NAALADL2: variants seen among roughly 807,000 people sequenced by gnomAD.
NAALADL2 encodes the protein N-acetylated alpha-linked acidic dipeptidase like 2, also known as inactive N-acetylated-alpha-linked acidic dipeptidase-like protein 2.
A neutral mutation model predicts 87.2 loss-of-function variants in NAALADL2; 76 were observed. That is an observed-to-expected ratio of 0.87 (90% CI 0.72 to 1.05). The LOEUF (loss-of-function observed/expected upper bound fraction) is 1.05. Ranked by LOEUF, NAALADL2 falls within the 50% of genes least tolerant of loss-of-function variation. NAALADL2 has a pLI of 0.00. For missense variants in NAALADL2, 1,089 were observed against 945.8 expected (o/e 1.15, Z -1.99); for synonymous variants, 354 against 331.0 (o/e 1.07, Z -0.75).
chr3:175,669,467 A>T (rs916160541), intron 11 of NAALADL2, among the ~76,000 whole-genome samples: 1 of 152,052 alleles, frequency 6.6e-6, no homozygotes, highest in Non-Finnish European at 1.5e-5. Context: ...TTGAAGAAAA[A>T]ATTTGTTTTC....
At chr3:175,090,983 AT>A (rs913663364) in intron 1 of NAALADL2, among the ~76,000 whole-genome samples, 4 of 54,488 alleles carry the variant, frequency 7.3e-5, no homozygotes, top group Non-Finnish European at 1.2e-4. Context: ...GAAAAAAAAA[AT>A]ATCATTATAC....
chr3:175,066,146 C>T (rs1198023686), intron 1 of NAALADL2, among the ~76,000 whole-genome samples: 2 of 152,116 alleles, frequency 1.3e-5, no homozygotes, highest in Non-Finnish European at 2.9e-5. Flanking sequence ...CACCACTCTC[C>T]AGAACTAGGT....
At chr3:175,469,744 G>C (rs1020486704) in intron 8 of NAALADL2, among the ~76,000 whole-genome samples, 5 of 151,960 alleles carry the variant, frequency 3.3e-5, no homozygotes, top group African/African-American at 1.2e-4. Flanking sequence ...TCTGAGGCAA[G>C]ATTAACTTCC....
intron 1 of NAALADL2, among the ~76,000 whole-genome samples, chr3:175,047,692 T>C (rs1754852847): frequency 6.6e-6 from 1 of 152,328 alleles, no homozygotes; most frequent in East Asian, 1.9e-4. Flanking sequence ...GATTAATTTT[T>C]CCTTTAGTAT....
intron 5 of NAALADL2, among the ~76,000 whole-genome samples, chr3:175,440,635 G>C (rs531257935): frequency 6.6e-6 from 1 of 151,948 alleles, no homozygotes; most frequent in Non-Finnish European, 1.5e-5. Flanking sequence ...TATTTAATTT[G>C]TTTCGCAGCT....
chr3:174,791,908 G>T (rs1717500971), intron 3 of NAALADL2, among the ~76,000 whole-genome samples: 1 of 152,048 alleles, frequency 6.6e-6, no homozygotes. Flanking sequence ...AATATTTGTT[G>T]AGTGAAATAT....
At chr3:174,564,810 T>A (rs577686696) in intron 2 of NAALADL2, among the ~76,000 whole-genome samples, 1 of 152,210 alleles carries the variant, frequency 6.6e-6, no homozygotes, top group South Asian at 2.1e-4. Context: ...TATTTCAGAT[T>A]TCCTTTGGTT....
intron 3 of NAALADL2, among the ~76,000 whole-genome samples, chr3:174,819,412 T>G (rs184526201): frequency 6.6e-6 from 1 of 152,188 alleles, no homozygotes; most frequent in Admixed American, 6.5e-5. Flanking sequence ...ATTTAAAATT[T>G]TTATAAACAA....
chr3:174,947,187 A>G (rs1739563950), intron 1 of NAALADL2, among the ~76,000 whole-genome samples: 1 of 152,142 alleles, frequency 6.6e-6, no homozygotes, highest in Non-Finnish European at 1.5e-5. Flanking sequence ...TCTATATTAT[A>G]GTTATTCTGG....
intron 2 of NAALADL2, among the ~76,000 whole-genome samples, chr3:174,695,080 T>A (rs1728900971): frequency 6.6e-6 from 1 of 152,072 alleles, no homozygotes; most frequent in African/African-American, 2.4e-5. Flanking sequence ...GGGATTTTAT[T>A]GTCTGTTTTC....
intron 1 of NAALADL2, among the ~76,000 whole-genome samples, chr3:174,455,369 A>G (rs1715765603): frequency 1.3e-5 from 2 of 152,206 alleles, no homozygotes. Context: ...ACTCCTCTCT[A>G]ACTCATTCCA....
chr3:175,399,580 C>A (rs1339938774), intron 5 of NAALADL2, among the ~76,000 whole-genome samples: 2 of 152,078 alleles, frequency 1.3e-5, no homozygotes, highest in African/African-American at 4.8e-5. Context: ...TGTAAACTGT[C>A]ATGGTGCTGG....
rs753716843 is a variant in NAALADL2, at chr3:175,013,301, A to ATTT, written c.44-83476_44-83474dup. Among the ~76,000 whole-genome samples, 144 of 72,060 alleles carry ATTT rather than the reference A, an allele frequency of 2.0e-3. 3 individuals are homozygous for ATTT. The highest frequency in any genetic ancestry group is 0.011 in the East Asian group (27 of 2,410). 47.3% of individuals were successfully genotyped at this position (72,060 alleles called of 152,430 possible). A position where few individuals can be genotyped will look rare whatever the true frequency, so the allele number is the denominator to read the frequency against. ...TACATATATATATATATATATATAT[A>ATTT]TTTTTTTTTTTTTTTGAGACAGGGT... is the stretch of plus-strand genomic sequence containing the variant. On this transcript the variant is annotated intron_variant, in intron 1 of 13. Coordinates refer to ENST00000454872, the MANE Select transcript of NAALADL2 (RefSeq NM_207015.3).
chr3:174,956,154 T>C (rs1741117784), intron 1 of NAALADL2, among the ~76,000 whole-genome samples: 1 of 152,008 alleles, frequency 6.6e-6, no homozygotes, highest in Non-Finnish European at 1.5e-5. Context: ...TGAAGTCAGT[T>C]GCAGAAGATC....
chr3:174,747,782 C>T (rs1734409766), intron 3 of NAALADL2, among the ~76,000 whole-genome samples: 1 of 151,992 alleles, frequency 6.6e-6, no homozygotes, highest in Non-Finnish European at 1.5e-5. Flanking sequence ...ACCAGAAATA[C>T]CATTTAACCC....
intron 1 of NAALADL2, among the ~76,000 whole-genome samples, chr3:175,039,349 G>A (rs933077727): frequency 1.3e-5 from 2 of 152,070 alleles, no homozygotes; most frequent in Admixed American, 1.3e-4. Context: ...TATATTCTTA[G>A]TAGAGACAGG....
rs1054648088 is a variant in NAALADL2, at chr3:175,362,308, C to T, written c.1090+37983C>T. 1.1e-4 allele frequency among the ~76,000 whole-genome samples: 17 copies of T among 147,926 alleles called. 1 individual carries two copies. The highest frequency in any genetic ancestry group is 6.9e-5 in the Admixed American group (1 of 14,482). Reference sequence around the variant, plus strand: ...TTTGAAGTCAGGTAGCGTGATGCCTCCAGCTTTGTTCTTTTGGCTTAGGAT... The same window carrying T: ...TTTGAAGTCAGGTAGCGTGATGCCTTCAGCTTTGTTCTTTTGGCTTAGGAT... On this transcript the variant is annotated intron_variant, in intron 5 of 13. Coordinates refer to ENST00000454872, the MANE Select transcript of NAALADL2 (RefSeq NM_207015.3).
intron 5 of NAALADL2, among the ~76,000 whole-genome samples, chr3:175,366,573 C>T (rs899930571): frequency 7.3e-5 from 11 of 151,262 alleles, no homozygotes; most frequent in Admixed American, 6.0e-4. Flanking sequence ...AGATGGTATC[C>T]CATTGTGGTT....
intron 1 of NAALADL2, among the ~76,000 whole-genome samples, chr3:175,011,291 AG>A (rs1749783877): frequency 6.8e-6 from 1 of 146,206 alleles, no homozygotes; most frequent in Non-Finnish European, 1.5e-5. Context: ...AGAGAGAGAG[AG>A]AGAGAGAGAG....
Sources: allele counts gnomAD v4.1 joint callset (sites outside exome capture counted in the v4.1 genomes callset), GRCh38; gene constraint gnomAD v4.1.1; transcripts MANE v1.5; gene names NCBI Gene and HGNC (gene_info 2026-07-23, HGNC 2026-07-21).